ADGRA3: variants seen among roughly 807,000 people sequenced by gnomAD.
ADGRA3 encodes the protein G-protein coupled receptor 125.
A neutral mutation model predicts 119.8 loss-of-function variants in ADGRA3; 56 were observed. The ratio of observed to expected loss-of-function variants is 0.47; its 90% confidence interval spans 0.38 to 0.58. ADGRA3 has a LOEUF of 0.58. Ranked by LOEUF, ADGRA3 falls within the 20% of genes least tolerant of loss-of-function variation. ADGRA3 has a pLI of 0.00. For synonymous variants in ADGRA3, 607 were observed against 623.8 expected, an observed-to-expected ratio of 0.97 and a Z score of 0.40; for missense variants, 1,516 against 1,649.0, an observed-to-expected ratio of 0.92 and a Z score of 1.40.
At chr4:22,512,999 C>T (rs951913927) in intron 1 of ADGRA3, among the ~76,000 whole-genome samples, 3 of 152,116 alleles carry the variant, frequency 2.0e-5, no homozygotes, top group Admixed American at 6.6e-5. Flanking sequence ...GACTCTGATG[C>T]TACTATGAGA....
rs1485532072 is a variant in ADGRA3 at position 22,413,245 on chromosome 4, G to C, written c.2169C>G (p.Leu723=). 1 of 1,613,916 alleles carries C rather than the reference G, an allele frequency of 6.2e-7. No individual in the cohort carries two copies. The highest frequency in any genetic ancestry group is 8.5e-7 in the Non-Finnish European group (1 of 1,179,948). ...TCGTAGTGATATTTTCATCTGAATA[G>C]AGTATATGGCACCCATCTGACTTCC... ...GGWKSDGCHI[L]YSDENITTIQ... The change falls in exon 14 of 19, where the codon CTC becomes CTG. Residue 723 remains leucine (L), a synonymous_variant. Transcript: ENST00000334304.
At chr4:22,449,284 T>A (rs977108381) in intron 4 of ADGRA3, among the ~76,000 whole-genome samples, 52 of 146,300 alleles carry the variant, frequency 3.6e-4, no homozygotes, top group South Asian at 1.3e-3. Flanking sequence ...AAAAAAAAAA[T>A]TTTTTTTAAG....
intron 17 of ADGRA3, among the ~76,000 whole-genome samples, chr4:22,390,359 TA>T (rs1219354042): frequency 1.8e-4 from 17 of 95,912 alleles, no homozygotes; most frequent in Middle Eastern, 5.6e-3. Context: ...TATATATATA[TA>T]ATACGTATTA....
intron 2 of ADGRA3, 78 bp from the exon 3 acceptor site, chr4:22,461,886 AC>A: frequency 1.2e-6 from 1 of 831,200 alleles, no homozygotes; most frequent in Non-Finnish European, 1.9e-6. Flanking sequence ...TACCTGCTAT[AC>A]AAAAAAAACA....
chr4:22,449,375 A>G (rs1219797518), intron 4 of ADGRA3, among the ~76,000 whole-genome samples: 1 of 152,106 alleles, frequency 6.6e-6, no homozygotes, highest in African/African-American at 2.4e-5. Context: ...TTACTGAAAT[A>G]TGTTTAAAAT....
At chr4:22,515,065 G>C (rs1719592313) in intron 1 of ADGRA3, among the ~76,000 whole-genome samples, 1 of 152,188 alleles carries the variant, frequency 6.6e-6, no homozygotes, top group African/African-American at 2.4e-5. Flanking sequence ...TTGGGGTTTG[G>C]GCTCGCACAC....
chr4:22,443,274 G>A (rs577280120), intron 6 of ADGRA3: 66 of 477,620 alleles, frequency 1.4e-4, no homozygotes, highest in African/African-American at 1.3e-3. Context: ...ACTAATGCAT[G>A]TTCACTCCAG....
rs760105617 is a variant in ADGRA3 at position 22,454,880 on chromosome 4, G to A, written c.459C>T (p.Thr153=). The A allele has an allele frequency of 6.2e-7, 1 of 1,612,650 alleles. No individual in the cohort carries two copies. The highest frequency in any genetic ancestry group is 1.3e-5 in the African/African-American group (1 of 74,960). ...CLNADIFRGL[T]NLVRLNLSGN... ...GATATACTTACAGCCGAACCAGATT[G>A]GTGAGTCCTCGAAATATGTCTGCAT... is the stretch of plus-strand genomic sequence containing the variant. Residue 153 remains threonine (T), a synonymous_variant, in exon 4 of 19, where the codon ACC becomes ACT. Coordinates refer to ENST00000334304, the MANE Select transcript of ADGRA3 (RefSeq NM_145290.4).
At chr4:22,458,509 C>A (rs1165482076) in intron 3 of ADGRA3, among the ~76,000 whole-genome samples, 1 of 152,186 alleles carries the variant, frequency 6.6e-6, no homozygotes, top group Non-Finnish European at 1.5e-5. Flanking sequence ...CATTAGACTG[C>A]AAACTCCTCG....
At chr4:22,408,721 T>C (rs1715057430) in intron 14 of ADGRA3, among the ~76,000 whole-genome samples, 1 of 152,166 alleles carries the variant, frequency 6.6e-6, no homozygotes, top group Non-Finnish European at 1.5e-5. Context: ...TTTGGTCAAC[T>C]GCATGGCTTT....
At chr4:22,402,491 T>C (rs897028769) in intron 15 of ADGRA3, among the ~76,000 whole-genome samples, 184 bp downstream of exon 15, 2 of 152,094 alleles carry the variant, frequency 1.3e-5, no homozygotes, top group African/African-American at 2.4e-5. Context: ...GAATTTATCA[T>C]CTCAAATACT....
chr4:22,496,497 G>C (rs191652447), intron 1 of ADGRA3, among the ~76,000 whole-genome samples: 1 of 152,250 alleles, frequency 6.6e-6, no homozygotes, highest in Admixed American at 6.5e-5. Flanking sequence ...ATTTACATCA[G>C]TTCTTAATAC....
At chr4:22,483,450 C>G (rs1358009232) in intron 1 of ADGRA3, among the ~76,000 whole-genome samples, 1 of 152,212 alleles carries the variant, frequency 6.6e-6, no homozygotes, top group Non-Finnish European at 1.5e-5. Flanking sequence ...CAGTCCCAGC[C>G]TTATTCCTGC....
At chr4:22,484,007 T>C (rs909913278) in intron 1 of ADGRA3, among the ~76,000 whole-genome samples, 1 of 152,000 alleles carries the variant, frequency 6.6e-6, no homozygotes, top group Non-Finnish European at 1.5e-5. Flanking sequence ...AGCTGTTAAA[T>C]GAACCCCAAG....
At chr4:22,404,960 T>C (rs1304975982) in intron 14 of ADGRA3, among the ~76,000 whole-genome samples, 14 of 152,186 alleles carry the variant, frequency 9.2e-5, no homozygotes, top group Admixed American at 9.2e-4. Context: ...CTCAAGTCCT[T>C]TTGTAGCAGT....
chr4:22,506,315 G>GTCAGT (rs1162697423), intron 1 of ADGRA3, among the ~76,000 whole-genome samples: 1 of 152,148 alleles, frequency 6.6e-6, no homozygotes, highest in African/African-American at 2.4e-5. Context: ...CACTTTGGGA[G>GTCAGT]GCCAAGGTGC....
chr4:22,389,640 G>T (rs77329276), intron 17 of ADGRA3, among the ~76,000 whole-genome samples: 12,135 of 152,076 alleles, frequency 0.08, 545 homozygotes, highest in African/African-American at 0.11. Context: ...TCCCAGGACT[G>T]CCCACTGCTG....
In ADGRA3 at chr4:22,388,491, A is replaced by C. The variant is rs201839295; in HGVS notation, c.3180T>G (p.Thr1060=). Residue 1060 remains threonine, a synonymous_variant, in exon 19 of 19, where the codon ACT becomes ACG. Coordinates refer to ENST00000334304, the MANE Select transcript of ADGRA3 (RefSeq NM_145290.4). ...AATACGAGCTCCGTCCTGGGCAGCA[A>C]GTCATGATCCACGCAAGTCTAACAT... ...REDVRLAWIM[T]CCPGRSSYSV... is the part of the protein sequence containing the mutation. 207 of 1,613,994 alleles carry C rather than the reference A, an allele frequency of 1.3e-4. No individual in the cohort carries two copies. Among genetic ancestry groups the C allele is most frequent in the Middle Eastern group, 1.6e-4 (1 of 6,084 alleles).
rs1714004809 is a variant in ADGRA3, at chr4:22,389,193, G to A, written c.2628-10C>T. ...ACCAATCAGGTAAAATCTAGAAGGAGGAATCACAGGAAAAACCACTCATCA... is the reference window on the plus strand; with the variant it reads ...ACCAATCAGGTAAAATCTAGAAGGAAGAATCACAGGAAAAACCACTCATCA... On this transcript the variant is annotated splice_polypyrimidine_tract_variant and intron_variant, in intron 17 of 18. Transcript: ENST00000334304. 3.8e-6 allele frequency: 6 copies of A among 1,579,822 alleles called. No individual in the cohort carries two copies. The highest frequency in any genetic ancestry group is 5.2e-6 in the Non-Finnish European group (6 of 1,149,506).
Sources: allele counts gnomAD v4.1 joint callset (sites outside exome capture counted in the v4.1 genomes callset), GRCh38; gene constraint gnomAD v4.1.1; transcripts MANE v1.5; gene names NCBI Gene and HGNC (gene_info 2026-07-23, HGNC 2026-07-21).